Variants in PGD observed in about 807,000 individuals in gnomAD.
PGD encodes 6-phosphogluconate dehydrogenase, decarboxylating.
Under a neutral mutation model 60.4 loss-of-function variants are expected in PGD, and 21 were observed. That is an observed-to-expected ratio of 0.35 (90% CI 0.25 to 0.50). The LOEUF (loss-of-function observed/expected upper bound fraction) is 0.50, where lower values mean the gene tolerates loss of function less well. Among genes scored for constraint, PGD ranks in the 20% least tolerant of loss-of-function variants. The probability of loss-of-function intolerance (pLI) is 0.98; values close to 1 mark genes in which losing one functional copy is unlikely to be tolerated. For synonymous variants in PGD, 230 were observed against 235.9 expected (o/e 0.97, Z 0.23); for missense variants, 477 against 613.1 (o/e 0.78, Z 2.34).
chr1:10,402,613 C>T (rs927106769), intron 3 of PGD, among the ~76,000 whole-genome samples: 1 of 151,688 alleles, frequency 6.6e-6, no homozygotes, highest in Admixed American at 6.6e-5. Context: ...AGCTCCACCT[C>T]CCGGGTTCAC....
intron 8 of PGD, among the ~76,000 whole-genome samples, chr1:10,414,150 C>T (rs981364728): frequency 1.3e-5 from 2 of 152,108 alleles, no homozygotes; most frequent in Non-Finnish European, 2.9e-5. Context: ...ATAAAAATTA[C>T]CTATCCATTT....
At position 10,400,028 on chromosome 1, in the gene PGD, T is replaced by C. The variant is rs114486017; in HGVS notation, c.84+324T>C. ...TCTAACTTGATTGCCTGATGAGATC[T>C]GGGGAGAGTGAAAATGTTTCTTCTA... On this transcript the variant is annotated intron_variant, in intron 2 of 12. Coordinates refer to ENST00000270776, the MANE Select transcript of PGD (RefSeq NM_002631.4). 1,632 of 451,142 alleles carry C rather than the reference T, an allele frequency of 3.6e-3. 15 individuals are homozygous for C. The highest frequency in any genetic ancestry group is 0.027 in the African/African-American group (1,341 of 50,106). 27.9% of individuals were successfully genotyped at this position (451,142 alleles called of 1,614,324 possible).
rs201008071 is a variant in PGD at position 10,400,442 on chromosome 1, A to G, written c.134A>G (p.Asn45Ser). The part of the protein sequence containing the change: ...TVSKVDDFLA[N>S]EAKGTKVVGA... ...TCCAAAGTTGATGATTTCTTGGCCA[A>G]TGAGGCAAAGGGAACCAAAGTGGTG... is the stretch of plus-strand genomic sequence containing the variant. Residue 45 changes from asparagine (N) to serine (S), a missense_variant, in exon 3 of 13, where the codon AAT (asparagine) becomes AGT (serine). Physicochemically the swap from Asn to Ser is conservative, Grantham distance 46. Around this residue, in one of 3 missense-constraint regions of PGD, gnomAD observed 431 missense variants for 556.6 expected, o/e 0.77. Transcript: ENST00000270776. 8.4e-5 allele frequency: 135 copies of G among 1,613,952 alleles called. No individual in the cohort carries two copies. Among genetic ancestry groups the G allele is most frequent in the East Asian group, 1.8e-4 (8 of 44,870 alleles).
chr1:10,402,585 C>T (rs534463589), intron 3 of PGD, among the ~76,000 whole-genome samples: 13 of 151,270 alleles, frequency 8.6e-5, no homozygotes, highest in East Asian at 7.8e-4. Flanking sequence ...TGCAGTGTTG[C>T]GATCTCAGCT....
At chr1:10,412,377 C>G (rs1369734392) in intron 7 of PGD, among the ~76,000 whole-genome samples, 1 of 152,184 alleles carries the variant, frequency 6.6e-6, no homozygotes, top group Non-Finnish European at 1.5e-5. Flanking sequence ...GCAAGGCATA[C>G]AGTATAGCTT....
rs200998486 is a variant in PGD, at chr1:10,413,147, G to A, written c.740G>A (p.Gly247Asp). 5.0e-6 allele frequency: 8 copies of A among 1,614,110 alleles called. No homozygotes were observed. Among genetic ancestry groups the A allele is most frequent in the South Asian group, 1.1e-5 (1 of 91,082 alleles). ...ATTCTCAAGTTCCAAGACACCGATG[G>A]CAAACACCTGCTGCCAAAGATCAGG... Reference protein sequence around the residue: ...ANILKFQDTDGKHLLPKIRDS... With the variant: ...ANILKFQDTDDKHLLPKIRDS... Residue 247 changes from glycine (G) to aspartate (D), a missense_variant, in exon 8 of 13, where the codon GGC (glycine) becomes GAC (aspartate). This residue lies in a region of PGD where 431 missense variants were observed against 556.6 expected (regional missense o/e 0.77). Transcript: ENST00000270776.
At chr1:10,417,814 AT>A (rs1319711077) in intron 10 of PGD, among the ~76,000 whole-genome samples, 2 of 151,970 alleles carry the variant, frequency 1.3e-5, no homozygotes, top group African/African-American at 4.8e-5. Context: ...GGTTCAAGTG[AT>A]TCTCCTGCCT....
At chr1:10,402,442 G>A (rs932833654) in intron 3 of PGD, among the ~76,000 whole-genome samples, 6 of 151,658 alleles carry the variant, frequency 4.0e-5, no homozygotes, top group Middle Eastern at 3.4e-3. Flanking sequence ...GGCTGGGTGC[G>A]TTGGCCTCCT....
rs143540325 is a variant in PGD, at chr1:10,413,218, G to T, written c.811G>T (p.Ala271Ser). 1.9e-6 allele frequency: 3 copies of T among 1,614,042 alleles called. No individual in the cohort carries two copies. The African/African-American group carries it at 4.0e-5, about 22-fold the overall frequency. Residue 271 changes from alanine to serine, a missense_variant, in exon 8 of 13, where the codon GCC becomes TCC. Ala to Ser is a moderately conservative substitution (Grantham distance 99, BLOSUM62 1). Around this residue, in one of 3 missense-constraint regions of PGD, gnomAD observed 431 missense variants for 556.6 expected, o/e 0.77. Coordinates refer to ENST00000270776, the MANE Select transcript of PGD (RefSeq NM_002631.4). ...KGTGKWTAIS[A>S]LEYGVPVTLI... The stretch of plus-strand genomic sequence containing the variant: ...CACAGGGAAGTGGACCGCCATCTCC[G>T]CCCTGGAATACGGCGTACCCGTCAC...
intron 5 of PGD, 36 bp downstream of exon 5, chr1:10,404,315 A>T: frequency 7.5e-7 from 1 of 1,339,724 alleles, no homozygotes; most frequent in Admixed American, 2.1e-5. Flanking sequence ...TCTCTGTACA[A>T]GGGAGCTGGA....
rs753183015 is a variant in PGD at position 10,399,593 on chromosome 1, C to G, written c.9-36C>G. 78 of 1,594,554 alleles carry G rather than the reference C, an allele frequency of 4.9e-5. No homozygotes were observed. In the Middle Eastern group the frequency reaches 6.6e-4, roughly 14 times the overall value. The stretch of plus-strand genomic sequence containing the variant: ...CTGGGTTGCAGCGCGTCGAGCGGTG[C>G]TGACTCTTTCCTTTGTTCTGTTTCT... On this transcript the variant is annotated intron_variant, in intron 1 of 12. Transcript: ENST00000270776.
Position 10,419,870 on chromosome 1 carries a change from A to C in PGD, c.*121A>C. On this transcript the variant is annotated 3_prime_UTR_variant, in exon 13 of 13. Transcript: ENST00000270776. ...CAGTTTTTTAAAAGTGTTGTAAGAG[A>C]CTCCTGAGGAAGACACACAGTTTAT... The C allele has an allele frequency of 8.6e-7, 1 of 1,158,946 alleles. No homozygotes were observed. The highest frequency in any genetic ancestry group is 2.0e-5 in the Admixed American group (1 of 50,100). The allele number at this position is 1,158,946 out of a possible 1,614,324, so 71.8% of individuals were successfully genotyped here. A position where few individuals can be genotyped will look rare whatever the true frequency, so the allele number is the denominator to read the frequency against.
Position 10,399,677 on chromosome 1 carries a change from T to A in PGD, c.57T>A (p.Ile19=). ...IGLAVMGQNL[I]LNMNDHGFVV... ...TGGCCGTCATGGGCCAGAACTTAAT[T>A]CTGAACATGAATGACCACGGCTTTG... The change falls in exon 2 of 13, where the codon ATT becomes ATA. Residue 19 remains isoleucine (I), a synonymous_variant. Coordinates refer to ENST00000270776, the MANE Select transcript of PGD (RefSeq NM_002631.4). 1 of 1,614,104 alleles carries A rather than the reference T, an allele frequency of 6.2e-7. No homozygotes were observed. Among genetic ancestry groups the A allele is most frequent in the East Asian group, 2.2e-5 (1 of 44,878 alleles).
chr1:10,420,021 G>A lies in PGD; in HGVS notation c.*272G>A, dbSNP rs1639665817. 2 of 435,482 alleles carry A rather than the reference G, an allele frequency of 4.6e-6. No individual in the cohort carries two copies. Among genetic ancestry groups the A allele is most frequent in the South Asian group, 2.3e-5 (1 of 42,606 alleles). 27.0% of individuals were successfully genotyped at this position (435,482 alleles called of 1,614,324 possible). The stretch of plus-strand genomic sequence containing the variant: ...CGGCAGTGGCTTCCGCGTGCCCCGT[G>A]TGCTGGTGCGGTTCCCATCACGCAG... On this transcript the variant is annotated 3_prime_UTR_variant, in exon 13 of 13. Transcript: ENST00000270776.
At chr1:10,408,510 A>C (rs536605756) in intron 6 of PGD, among the ~76,000 whole-genome samples, 1 of 152,318 alleles carries the variant, frequency 6.6e-6, no homozygotes, top group African/African-American at 2.4e-5. Flanking sequence ...GAAAGGTGGA[A>C]GATTGAAGGT....
chr1:10,413,179 G>A lies in PGD; in HGVS notation c.772G>A (p.Ala258Thr), dbSNP rs758207662. ...KHLLPKIRDS[A>T]GQKGTGKWTA... Reference sequence around the variant, plus strand: ...CCTGCTGCCAAAGATCAGGGACAGCGCGGGGCAGAAGGGCACAGGGAAGTG... The same window carrying A: ...CCTGCTGCCAAAGATCAGGGACAGCACGGGGCAGAAGGGCACAGGGAAGTG... The change falls in exon 8 of 13, where the codon GCG (alanine) becomes ACG (threonine). Residue 258 changes from alanine (A) to threonine (T), a missense_variant. By Grantham distance (58) the Ala-to-Thr change is moderately conservative. Transcript: ENST00000270776. 3.1e-6 allele frequency: 5 copies of A among 1,614,082 alleles called. No homozygotes were observed. The highest frequency in any genetic ancestry group is 1.3e-5 in the African/African-American group (1 of 74,920).
chr1:10,399,892 C>T, intron 2 of PGD, 188 bp downstream of exon 2: 1 of 614,768 alleles, frequency 1.6e-6, no homozygotes, highest in Non-Finnish European at 2.9e-6. Context: ...CGAACTTAGT[C>T]CTGCGGAGTG....
At chr1:10,418,305 G>A (rs757720423) in intron 10 of PGD, among the ~76,000 whole-genome samples, 3 of 152,100 alleles carry the variant, frequency 2.0e-5, no homozygotes, top group Non-Finnish European at 2.9e-5. Flanking sequence ...ATTGAAAATC[G>A]TCAGATTTTC....
chr1:10,419,040 G>A (rs1473892747), intron 11 of PGD, 115 bp downstream of exon 11: 30 of 660,554 alleles, frequency 4.5e-5, no homozygotes, highest in East Asian at 8.3e-5. Context: ...ACAGAGTCTC[G>A]CTCTGTCACC....
Sources: gnomAD v4.1 joint callset for allele counts (sites outside exome capture counted in the v4.1 genomes callset) on GRCh38, gnomAD v4.1.1 for gene constraint, gnomAD v4.1.1 regional missense constraint, MANE v1.5 for transcripts, NCBI Gene and HGNC (gene_info 2026-07-23, HGNC 2026-07-21) for gene names.